TICAM2: variants seen among roughly 807,000 people sequenced by gnomAD.
TICAM2 encodes the protein TIR domain-containing adapter molecule 2.
Under a neutral mutation model 7.3 loss-of-function variants are expected in TICAM2, and 8 were observed. The ratio of observed to expected loss-of-function variants is 1.10; its 90% CI spans 0.65 to 1.99. The LOEUF is 1.99. TICAM2 is among the 30% of genes most tolerant of loss of function. The probability of loss-of-function intolerance (pLI) is 0.00; values close to 1 mark genes in which losing one functional copy is unlikely to be tolerated. For missense variants in TICAM2, 304 were observed against 278.8 expected (o/e 1.09, Z -0.65); for synonymous variants, 113 against 99.6 (o/e 1.13, Z -0.80).
intron 1 of TICAM2, among the ~76,000 whole-genome samples, chr5:115,600,182 T>C (rs1755668550): frequency 6.6e-6 from 1 of 152,154 alleles, no homozygotes; most frequent in African/African-American, 2.4e-5. Context: ...AGGCTGTTTA[T>C]TGAGATAAGG....
At chr5:115,594,976 C>T (rs537157375) in intron 1 of TICAM2, among the ~76,000 whole-genome samples, 161 of 152,232 alleles carry the variant, frequency 1.1e-3, no homozygotes, top group African/African-American at 3.8e-3. Flanking sequence ...CCAAACAGCA[C>T]TCCCTTCTCT....
In TICAM2 at chr5:115,580,943, C is replaced by A. The variant is rs144913417; in HGVS notation, c.314G>T (p.Gly105Val). 6.4e-5 allele frequency: 103 copies of A among 1,613,310 alleles called. No homozygotes were observed. Among genetic ancestry groups the A allele is most frequent in the Non-Finnish European group, 7.0e-5 (83 of 1,179,594 alleles). The part of the protein sequence containing the change: ...RVQNLLQDDF[G>V]IKPGIIFAEM... ...AGCAAAGATTATTCCGGGTTTGATACCAAAGTCATCTTGTAGCAGATTCTG... is the reference window on the plus strand; with the variant it reads ...AGCAAAGATTATTCCGGGTTTGATAACAAAGTCATCTTGTAGCAGATTCTG... Residue 105 changes from glycine (G) to valine (V), a missense_variant, in exon 2 of 2, where the codon GGT becomes GTT. By Grantham distance (109) the Gly-to-Val change is moderately radical. Transcript: ENST00000427199.
intron 1 of TICAM2, among the ~76,000 whole-genome samples, chr5:115,596,612 A>G (rs775043675): frequency 4.6e-5 from 7 of 152,174 alleles, no homozygotes; most frequent in Non-Finnish European, 1.0e-4. Flanking sequence ...AACTATCATA[A>G]AAGTCTCCCC....
At chr5:115,583,629 A>G (rs754931409) in intron 1 of TICAM2, among the ~76,000 whole-genome samples, 2 of 152,172 alleles carry the variant, frequency 1.3e-5, no homozygotes, top group African/African-American at 2.4e-5. Context: ...AGCTGTGGAA[A>G]GTTGTGCTGT....
chr5:115,581,488 G>A (rs1403013365), intron 1 of TICAM2, among the ~76,000 whole-genome samples, 173 bp from the exon 2 acceptor site: 2 of 152,130 alleles, frequency 1.3e-5, no homozygotes, highest in African/African-American at 4.8e-5. Context: ...AGCTTTACAA[G>A]GGCTATCACA....
chr5:115,592,346 T>A (rs976772192), intron 1 of TICAM2, among the ~76,000 whole-genome samples: 1 of 152,218 alleles, frequency 6.6e-6, no homozygotes, highest in Non-Finnish European at 1.5e-5. Context: ...TGAATTCAAT[T>A]ATTTTTTTCT....
intron 1 of TICAM2, among the ~76,000 whole-genome samples, chr5:115,598,415 G>A (rs915864892): frequency 6.6e-6 from 1 of 152,134 alleles, no homozygotes; most frequent in African/African-American, 2.4e-5. Context: ...AAGTACCAAA[G>A]GACAGAACAT....
At chr5:115,585,109 C>T (rs537476702) in intron 1 of TICAM2, among the ~76,000 whole-genome samples, 14 of 152,246 alleles carry the variant, frequency 9.2e-5, no homozygotes, top group African/African-American at 3.4e-4. Context: ...ACAACTTAAT[C>T]AATATATTTG....
chr5:115,595,443 C>T (rs967956975), intron 1 of TICAM2, among the ~76,000 whole-genome samples: 2 of 152,122 alleles, frequency 1.3e-5, no homozygotes, highest in African/African-American at 2.4e-5. Context: ...CTCTCCATTC[C>T]CTGCCTATGC....
At chr5:115,587,801 A>T (rs770181612) in intron 1 of TICAM2, among the ~76,000 whole-genome samples, 3 of 152,178 alleles carry the variant, frequency 2.0e-5, no homozygotes, top group African/African-American at 7.2e-5. Flanking sequence ...GGCATAAAAG[A>T]GCATCTTAGA....
chr5:115,586,758 A>G (rs2127195804), intron 1 of TICAM2, among the ~76,000 whole-genome samples: 1 of 152,320 alleles, frequency 6.6e-6, no homozygotes, highest in East Asian at 1.9e-4. Flanking sequence ...CCTGTGTTCA[A>G]TAAGTTTTGT....
Position 115,579,293 on chromosome 5 carries a change from C to T in TICAM2, c.*1256G>A, listed in dbSNP as rs1754832043. On this transcript the variant is annotated 3_prime_UTR_variant, in exon 2 of 2. Transcript: ENST00000427199. Reference sequence around the variant, plus strand: ...TGTGGTCCCTAGTTTTTCACATCCTCATAGAGGACAAAAGCCTTTAGAGAT... The same window carrying T: ...TGTGGTCCCTAGTTTTTCACATCCTTATAGAGGACAAAAGCCTTTAGAGAT... 6.6e-6 allele frequency: 1 copy of T among 152,616 alleles called. No individual in the cohort carries two copies. Among genetic ancestry groups the T allele is most frequent in the African/African-American group, 2.4e-5 (1 of 41,456 alleles). The allele number at this position is 152,616 out of a possible 1,614,324, so 9.5% of individuals were successfully genotyped here. A position where few individuals can be genotyped will look rare whatever the true frequency, so the allele number is the denominator to read the frequency against.
rs1754886924 is a variant in TICAM2 at position 115,580,697 on chromosome 5, A to G, written c.560T>C (p.Phe187Ser). Reference protein sequence around the residue: ...NNPLPRERTPFALQTINALEE... With the variant: ...NNPLPRERTPSALQTINALEE... ...TAAGGCATTGATGGTTTGGAGGGCA[A>G]AGGGAGTCCTTTCTCGGGGAAGGGG... is the stretch of plus-strand genomic sequence containing the variant. Residue 187 changes from phenylalanine (F) to serine (S), a missense_variant, in exon 2 of 2, where the codon TTT (phenylalanine) becomes TCT (serine). Physicochemically the swap from Phe to Ser is radical, Grantham distance 155 (BLOSUM62 -2). Transcript: ENST00000427199. 2 of 1,596,498 alleles carry G rather than the reference A, an allele frequency of 1.3e-6. No homozygotes were observed. Among genetic ancestry groups the G allele is most frequent in the South Asian group, 2.3e-5 (2 of 88,118 alleles).
At chr5:115,595,831 T>TAG (rs1257485661) in intron 1 of TICAM2, among the ~76,000 whole-genome samples, 1 of 152,198 alleles carries the variant, frequency 6.6e-6, no homozygotes, top group Non-Finnish European at 1.5e-5. Flanking sequence ...TCTACATGAA[T>TAG]AGCTCCTCTT....
At chr5:115,588,456 C>T (rs1328723621) in intron 1 of TICAM2, among the ~76,000 whole-genome samples, 1 of 152,174 alleles carries the variant, frequency 6.6e-6, no homozygotes, top group Non-Finnish European at 1.5e-5. Flanking sequence ...TGAAGGAGAG[C>T]TGCATTATAT....
intron 1 of TICAM2, among the ~76,000 whole-genome samples, chr5:115,601,228 C>G (rs1462842086): frequency 6.6e-6 from 1 of 152,124 alleles, no homozygotes; most frequent in Non-Finnish European, 1.5e-5. Flanking sequence ...TGTAACAAAC[C>G]TGCAAGTCCT....
chr5:115,580,953 C>G lies in TICAM2; in HGVS notation c.304G>C (p.Asp102His). Residue 102 changes from aspartate (D) to histidine (H), a missense_variant, in exon 2 of 2, where the codon GAT becomes CAT. Asp to His is a moderately conservative substitution (Grantham distance 81). Transcript: ENST00000427199. ...ATTCCGGGTTTGATACCAAAGTCAT[C>G]TTGTAGCAGATTCTGGACTCTGAGG... ...EALRVQNLLQ[D>H]DFGIKPGIIF... 3 of 1,613,460 alleles carry G rather than the reference C, an allele frequency of 1.9e-6. No individual in the cohort carries two copies. The highest frequency in any genetic ancestry group is 2.5e-6 in the Non-Finnish European group (3 of 1,179,586).
chr5:115,599,801 G>A (rs755520894), intron 1 of TICAM2, among the ~76,000 whole-genome samples: 32 of 152,172 alleles, frequency 2.1e-4, no homozygotes, highest in South Asian at 4.1e-4. Context: ...GAACTAGTCA[G>A]GGACTAGATC....
intron 1 of TICAM2, among the ~76,000 whole-genome samples, chr5:115,583,882 C>A (rs908749301): frequency 2.0e-5 from 3 of 152,210 alleles, no homozygotes; most frequent in African/African-American, 7.2e-5. Flanking sequence ...TCCATCAGAA[C>A]AATGAACACC....
Sources: gnomAD v4.1 joint callset for allele counts (sites outside exome capture counted in the v4.1 genomes callset) on GRCh38, gnomAD v4.1.1 for gene constraint, MANE v1.5 for transcripts, NCBI Gene and HGNC (gene_info 2026-07-23, HGNC 2026-07-21) for gene names.